MALRD1: variants seen among roughly 807,000 people sequenced by gnomAD.
The protein encoded by MALRD1 is MAM and LDL-receptor class A domain-containing protein 1.
In MALRD1, 247 loss-of-function variants were observed where a neutral mutation model predicts 242.1. That is an observed-to-expected ratio of 1.02 (90% CI 0.92 to 1.13). The LOEUF is 1.13. MALRD1 is among the 50% of genes most tolerant of loss of function. The pLI is 0.00. For missense variants in MALRD1, 2,989 were observed against 2,533.1 expected, an observed-to-expected ratio of 1.18 and a Z score of -3.86; for synonymous variants, 995 against 866.6, an observed-to-expected ratio of 1.15 and a Z score of -2.60.
intron 36 of MALRD1, among the ~76,000 whole-genome samples, chr10:19,643,046 T>A (rs1018181182): frequency 6.6e-6 from 1 of 152,212 alleles, no homozygotes; most frequent in Non-Finnish European, 1.5e-5. Flanking sequence ...TGGCTAGTGA[T>A]CAAGTCCAGT....
chr10:19,610,320 T>C (rs1838836844), intron 35 of MALRD1, among the ~76,000 whole-genome samples: 1 of 151,922 alleles, frequency 6.6e-6, no homozygotes, highest in African/African-American at 2.4e-5. Flanking sequence ...CAAAACTTAT[T>C]CCTTCTATCT....
chr10:19,548,341 T>G (rs1330205134), intron 32 of MALRD1, among the ~76,000 whole-genome samples: 3 of 152,146 alleles, frequency 2.0e-5, no homozygotes, highest in African/African-American at 7.2e-5. Context: ...TCTTTTTTCT[T>G]TCTTATTCCC....
chr10:19,729,552 A>G (rs1835189479), intron 38 of MALRD1, among the ~76,000 whole-genome samples: 1 of 141,988 alleles, frequency 7.0e-6, no homozygotes, highest in South Asian at 2.2e-4. Flanking sequence ...ATCCTTTCTT[A>G]TGTGTGTGTG....
intron 19 of MALRD1, among the ~76,000 whole-genome samples, chr10:19,262,463 C>G (rs1054741636): frequency 1.3e-5 from 2 of 151,934 alleles, no homozygotes; most frequent in Non-Finnish European, 2.9e-5. Context: ...CAACACCAGC[C>G]TGGTCAACAT....
chr10:19,593,044 G>A (rs1837900518), intron 33 of MALRD1, among the ~76,000 whole-genome samples: 1 of 151,294 alleles, frequency 6.6e-6, no homozygotes, highest in Non-Finnish European at 1.5e-5. Context: ...TTAAGTGTGA[G>A]ATTAATCTAA....
chr10:19,323,886 C>G, intron 21 of MALRD1, 63 bp from the exon 22 acceptor site: 1 of 1,472,702 alleles, frequency 6.8e-7, no homozygotes, highest in Non-Finnish European at 9.2e-7. Flanking sequence ...CCTGGGATTA[C>G]AGGCGTGAGC....
intron 21 of MALRD1, among the ~76,000 whole-genome samples, chr10:19,318,316 G>A (rs1402366914): frequency 1.3e-5 from 2 of 151,466 alleles, no homozygotes; most frequent in Non-Finnish European, 2.9e-5. Context: ...AAACACAAAT[G>A]CAGTTTTGTT....
At chr10:19,565,713 A>G (rs564239059) in intron 32 of MALRD1, among the ~76,000 whole-genome samples, 10 of 152,306 alleles carry the variant, frequency 6.6e-5, no homozygotes, top group African/African-American at 2.2e-4. Context: ...GAAGTAGTCA[A>G]TGGATCCAAA....
intron 5 of MALRD1, among the ~76,000 whole-genome samples, chr10:19,115,072 G>A (rs1836822307): frequency 6.6e-6 from 1 of 152,100 alleles, no homozygotes; most frequent in Non-Finnish European, 1.5e-5. Flanking sequence ...ATTTTGGGAG[G>A]CATGATTTAG....
At chr10:19,720,059 G>A (rs1834672134) in intron 38 of MALRD1, among the ~76,000 whole-genome samples, 1 of 152,042 alleles carries the variant, frequency 6.6e-6, no homozygotes, top group Non-Finnish European at 1.5e-5. Flanking sequence ...TCTACCTGTA[G>A]ACTTTTATAA....
At chr10:19,450,893 T>C (rs1214116574) in intron 29 of MALRD1, among the ~76,000 whole-genome samples, 2 of 152,154 alleles carry the variant, frequency 1.3e-5, no homozygotes, top group East Asian at 1.9e-4. Flanking sequence ...CCCTTGGGCC[T>C]ATTTTATAAG....
intron 21 of MALRD1, among the ~76,000 whole-genome samples, chr10:19,306,841 C>T (rs1376235277): frequency 1.3e-5 from 2 of 151,294 alleles, no homozygotes; most frequent in African/African-American, 2.4e-5. Flanking sequence ...CTTATAAAGC[C>T]ACTGGATCTC....
chr10:19,138,337 G>A (rs554076103), intron 10 of MALRD1, among the ~76,000 whole-genome samples: 36 of 152,018 alleles, frequency 2.4e-4, no homozygotes, highest in African/African-American at 8.7e-4. Context: ...ATTTCTGTTG[G>A]GGAAATATTT....
At chr10:19,602,597 G>C (rs1349067167) in intron 34 of MALRD1, among the ~76,000 whole-genome samples, 3 of 151,932 alleles carry the variant, frequency 2.0e-5, no homozygotes, top group Non-Finnish European at 4.4e-5. Flanking sequence ...GTCTATCATT[G>C]TTGGACATTT....
At chr10:19,281,790 G>T (rs1223394310) in intron 20 of MALRD1, among the ~76,000 whole-genome samples, 2 of 151,938 alleles carry the variant, frequency 1.3e-5, no homozygotes, top group Non-Finnish European at 2.9e-5. Flanking sequence ...TGGCCAACAT[G>T]GCAAAACCCC....
chr10:19,227,115 C>G (rs939539609), intron 18 of MALRD1, among the ~76,000 whole-genome samples: 2 of 151,400 alleles, frequency 1.3e-5, no homozygotes, highest in Admixed American at 6.6e-5. Flanking sequence ...CCCAATCAAA[C>G]CTATAGGCCT....
At chr10:19,437,167 T>G (rs1834382983) in intron 28 of MALRD1, among the ~76,000 whole-genome samples, 1 of 152,140 alleles carries the variant, frequency 6.6e-6, no homozygotes. Context: ...ATACAGAGCT[T>G]AAATCTTTGT....
chr10:19,666,958 C>A (rs1234898510), intron 36 of MALRD1, among the ~76,000 whole-genome samples: 1 of 152,152 alleles, frequency 6.6e-6, no homozygotes, highest in Non-Finnish European at 1.5e-5. Context: ...CAAATGCATT[C>A]ACTTTACAGA....
chr10:19,306,331 G>A (rs1277527855), intron 21 of MALRD1, among the ~76,000 whole-genome samples: 2 of 136,896 alleles, frequency 1.5e-5, no homozygotes, highest in Non-Finnish European at 3.1e-5. Context: ...TATATATAGT[G>A]TCGTATATAT....
Sources: gnomAD v4.1 joint callset for allele counts (sites outside exome capture counted in the v4.1 genomes callset) on GRCh38, gnomAD v4.1.1 for gene constraint, MANE v1.5 for transcripts, NCBI Gene and HGNC (gene_info 2026-07-23, HGNC 2026-07-21) for gene names.